The following LILRB5 variants were observed in gnomAD, a reference collection of about 807,000 sequenced individuals.
LILRB5 encodes the protein leukocyte immunoglobulin like receptor B5.
Under a neutral mutation model 68.4 loss-of-function variants are expected in LILRB5, and 61 were observed. The ratio of observed to expected loss-of-function variants is 0.89; its 90% CI spans 0.73 to 1.10. LILRB5 has a LOEUF of 1.10. LILRB5 is among the 50% of genes least tolerant of loss of function. The pLI is 0.00. For missense variants in LILRB5, 771 were observed against 751.6 expected (o/e 1.03, Z -0.30); for synonymous variants, 356 against 315.8 (o/e 1.13, Z -1.35).
chr19:54,253,911 A>C, intron 8 of LILRB5, 107 bp downstream of exon 8: 1 of 1,543,056 alleles, frequency 6.5e-7, no homozygotes, highest in South Asian at 1.2e-5. Flanking sequence ...CAGGCAGGGG[A>C]AGGGCTTGTG....
Position 54,257,271 on chromosome 19 carries a change from T to C in LILRB5, c.-78A>G. On this transcript the variant is annotated 5_prime_UTR_variant, in exon 1 of 13. Transcript: ENST00000449561. ...TGGCAGGACACAAAAACACGCAGAG[T>C]GTGGACTGGAGGCTGGGTTCTCCCT... The C allele has an allele frequency of 6.3e-7, 1 of 1,584,970 alleles. No homozygotes were observed. The highest frequency in any genetic ancestry group is 1.1e-5 in the South Asian group (1 of 90,400).
At chr19:54,255,943 C>G in intron 4 of LILRB5, 100 bp downstream of exon 4, 1 of 1,010,332 alleles carries the variant, frequency 9.9e-7, no homozygotes, top group Non-Finnish European at 1.4e-6. Context: ...TCCATCAACA[C>G]ATCCTTCTGG....
intron 12 of LILRB5, chr19:54,251,135 G>A (rs1302528525): frequency 2.2e-5 from 34 of 1,573,400 alleles, no homozygotes; most frequent in African/African-American, 4.1e-5. Flanking sequence ...CGGGGCATAC[G>A]TCACTGCCTG....
In LILRB5 at chr19:54,252,032, C is replaced by T. The variant is rs372563388; in HGVS notation, c.1629+22G>A. ...CTGGCACCAGGAGGCCTTTGGTGCCCGGGACAGGGGCGGGGCCTCACCGGA... is the reference window on the plus strand; with the variant it reads ...CTGGCACCAGGAGGCCTTTGGTGCCTGGGACAGGGGCGGGGCCTCACCGGA... On this transcript the variant is annotated intron_variant, in intron 12 of 12. Coordinates refer to ENST00000449561, the MANE Select transcript of LILRB5 (RefSeq NM_001081442.3). The T allele has an allele frequency of 1.4e-4, 219 of 1,612,230 alleles. 1 individual carries two copies. The African/African-American group carries it at 1.4e-3, about 10-fold the overall frequency.
At chr19:54,252,296 GC>G in intron 11 of LILRB5, 69 bp downstream of exon 11, 1 of 1,546,202 alleles carries the variant, frequency 6.5e-7, no homozygotes, top group Non-Finnish European at 8.9e-7. Context: ...CTGTGCTCCT[GC>G]CCCCATTGCT....
Position 54,256,634 on chromosome 19 carries a change from C to T in LILRB5, c.210G>A (p.Lys70=). 1 of 1,614,170 alleles carries T rather than the reference C, an allele frequency of 6.2e-7. No individual in the cohort carries two copies. The highest frequency in any genetic ancestry group is 8.5e-7 in the Non-Finnish European group (1 of 1,180,002). ...LDKEGLPWAR[K]RQNPLEPGAK... ...CTCCAGGCTCCAGTGGGTTCTGTCT[C>T]TTCCGGGCCCATGGGAGTCCCTCCT... The change falls in exon 3 of 13, where the codon AAG becomes AAA. Residue 70 remains lysine (K), a synonymous_variant. Coordinates refer to ENST00000449561, the MANE Select transcript of LILRB5 (RefSeq NM_001081442.3).
At position 54,256,680 on chromosome 19, in the gene LILRB5, G is replaced by A. The variant is rs759194368; in HGVS notation, c.164C>T (p.Thr55Ile). 1.3e-5 allele frequency: 21 copies of A among 1,614,028 alleles called. No individual in the cohort carries two copies. The highest frequency in any genetic ancestry group is 1.7e-5 in the Non-Finnish European group (20 of 1,180,010). Residue 55 changes from threonine (T) to isoleucine (I), a missense_variant, in exon 3 of 13, where the codon ACT (threonine) becomes ATT (isoleucine). Transcript: ENST00000449561. ...VTLWCQGPLE[T>I]EEYRLDKEGL... ...CTCCTTATCCAGACGGTACTCCTCAGTCTCCAGGGGCCCCTGACACCAGAG... is the reference window on the plus strand; with the variant it reads ...CTCCTTATCCAGACGGTACTCCTCAATCTCCAGGGGCCCCTGACACCAGAG...
At position 54,250,866 on chromosome 19, in the gene LILRB5, C is replaced by T. The variant is rs199562785; in HGVS notation, c.1696G>A (p.Glu566Lys). Residue 566 changes from glutamate to lysine, a missense_variant, in exon 13 of 13, where the codon GAG becomes AAG. Transcript: ENST00000449561. ...AQLHSLTLRR[E>K]ATEPPPSQER... ...TGGGATGGAGGAGGCTCAGTTGCCT[C>T]CCGTCTGAGGGTCAAGCTGTGCAGC... 973 of 1,611,050 alleles carry T rather than the reference C, an allele frequency of 6.0e-4. No homozygotes were observed. The highest frequency in any genetic ancestry group is 5.5e-3 in the East Asian group (247 of 44,804).
rs150565517 is a variant in LILRB5, at chr19:54,252,379, C to T, written c.1563G>A (p.Gln521=). Reference sequence around the variant, plus strand: ...CTAGTCACTCACTGAGAATTTCCTCCTGGATGTCAGCAACTGGGCTGGCCC... The same window carrying T: ...CTAGTCACTCACTGAGAATTTCCTCTTGGATGTCAGCAACTGGGCTGGCCC... ...QKRASPVADI[Q]EEILNAAVKD... The change falls in exon 11 of 13, where the codon CAG becomes CAA. Residue 521 remains glutamine, a synonymous_variant. Transcript: ENST00000449561. 1,004 of 1,614,100 alleles carry T rather than the reference C, an allele frequency of 6.2e-4. 13 individuals carry two copies. In the Admixed American group the frequency reaches 0.013, roughly 21 times the overall value.
rs2147659927 is a variant in LILRB5 at position 54,256,032 on chromosome 19, G to A, written c.655+11C>T. 2.0e-6 allele frequency: 3 copies of A among 1,526,880 alleles called. No individual in the cohort carries two copies. The highest frequency in any genetic ancestry group is 2.6e-6 in the Non-Finnish European group (3 of 1,140,696). 94.6% of individuals were successfully genotyped at this position (1,526,880 alleles called of 1,614,324 possible). A position where few individuals can be genotyped will look rare whatever the true frequency, so the allele number is the denominator to read the frequency against. On this transcript the variant is annotated intron_variant, in intron 4 of 12. Transcript: ENST00000449561. ...CCAAAATTATATAAAGAAGTGTGGT[G>A]GCTTTTTCACCTGGGACCAGAATCT...
chr19:54,252,296 G>GC, intron 11 of LILRB5, 70 bp downstream of exon 11: 1 of 1,546,204 alleles, frequency 6.5e-7, no homozygotes, highest in Non-Finnish European at 8.9e-7. Context: ...CTGTGCTCCT[G>GC]CCCCCATTGC....
intron 12 of LILRB5, chr19:54,251,134 C>A: frequency 6.4e-7 from 1 of 1,565,836 alleles, no homozygotes; most frequent in South Asian, 1.1e-5. Context: ...CCGGGGCATA[C>A]GTCACTGCCT....
In LILRB5 at chr19:54,252,585, A is replaced by T. The variant is rs1268543900; in HGVS notation, c.1475-36T>A. Reference sequence around the variant, plus strand: ...ATGGACAGAGGGTCAGGCCTGGGAGAATTCGAACCAGCTGCCCTGCACACA... The same window carrying T: ...ATGGACAGAGGGTCAGGCCTGGGAGTATTCGAACCAGCTGCCCTGCACACA... On this transcript the variant is annotated intron_variant, in intron 9 of 12. Coordinates refer to ENST00000449561, the MANE Select transcript of LILRB5 (RefSeq NM_001081442.3). 16 of 1,610,646 alleles carry T rather than the reference A, an allele frequency of 9.9e-6. No homozygotes were observed. The Admixed American group carries it at 2.7e-4, about 27-fold the overall frequency.
chr19:54,254,444 G>A, intron 6 of LILRB5, 29 bp from the exon 7 acceptor site: 1 of 1,560,014 alleles, frequency 6.4e-7, no homozygotes, highest in Non-Finnish European at 8.7e-7. Flanking sequence ...AGGGAGCGAG[G>A]CGCTTTGGTG....
At chr19:54,251,876 C>T (rs534699291) in intron 12 of LILRB5, 178 bp downstream of exon 12, 58 of 798,398 alleles carry the variant, frequency 7.3e-5, no homozygotes, top group South Asian at 6.6e-4. Flanking sequence ...AGGAGGCCCA[C>T]GAGGTCCCAG....
chr19:54,252,653 T>C (rs2078998717), intron 9 of LILRB5, 104 bp from the exon 10 acceptor site: 4 of 1,327,016 alleles, frequency 3.0e-6, no homozygotes, highest in Non-Finnish European at 3.2e-6. Context: ...CCACTGGCAC[T>C]GAGGCTTTAA....
chr19:54,251,270 T>C (rs12986064), intron 12 of LILRB5: 314,730 of 858,520 alleles, frequency 0.37, 64,709 homozygotes, highest in Middle Eastern at 0.57. Flanking sequence ...ATCCCTTTCC[T>C]GATGGAATCT....
intron 9 of LILRB5, 134 bp downstream of exon 9, chr19:54,252,737 C>T: frequency 9.6e-7 from 1 of 1,040,660 alleles, no homozygotes; most frequent in Non-Finnish European, 1.4e-6. Context: ...TCTCTTCTTT[C>T]TCGATCGATT....
rs1179683628 is a variant in LILRB5 at position 54,255,461 on chromosome 19, C to T, written c.777G>A (p.Gly259=). ...GYDIFVLYKE[G]EHDLVQGSGQ... ...CAGAGCCCTGGACGAGGTCATGTTCCCCCTCCTTGTACAGAACGAATATGT... is the reference window on the plus strand; with the variant it reads ...CAGAGCCCTGGACGAGGTCATGTTCTCCCTCCTTGTACAGAACGAATATGT... The change falls in exon 5 of 13, where the codon GGG becomes GGA. Residue 259 remains glycine, a synonymous_variant. Transcript: ENST00000449561. 4 of 1,614,040 alleles carry T rather than the reference C, an allele frequency of 2.5e-6. No individual in the cohort carries two copies. The Admixed American group carries it at 6.7e-5, about 27-fold the overall frequency.
Sources: gnomAD v4.1 joint callset for allele counts on GRCh38, gnomAD v4.1.1 for gene constraint, MANE v1.5 for transcripts, NCBI Gene and HGNC (gene_info 2026-07-23, HGNC 2026-07-21) for gene names.